Variants in RABGEF1 observed in about 807,000 individuals in gnomAD.
The protein encoded by RABGEF1 is RAB guanine nucleotide exchange factor 1.
RABGEF1 carries 26 observed loss-of-function variants against 57.3 expected under a neutral mutation model. The ratio of observed to expected loss-of-function variants is 0.45; its 90% confidence interval spans 0.33 to 0.63. The LOEUF (loss-of-function observed/expected upper bound fraction) is 0.63, where lower values mean the gene tolerates loss of function less well. RABGEF1 is among the 20% of genes least tolerant of loss of function. The pLI, the probability that RABGEF1 is intolerant of heterozygous loss-of-function variation, is 0.02. For synonymous variants in RABGEF1, 185 were observed against 210.7 expected, an observed-to-expected ratio of 0.88 and a Z score of 1.06; for missense variants, 464 against 607.6, an observed-to-expected ratio of 0.76 and a Z score of 2.48.
the RABGEF1 span, among the ~76,000 whole-genome samples, chr7:66,665,827 G>C: frequency 1.3e-5 from 2 of 152,320 alleles, no homozygotes; most frequent in African/African-American, 4.8e-5. Flanking sequence ...GGGAGGTTCA[G>C]ACACGGTCTC....
At chr7:66,754,879 G>GA (rs1330067869) in intron 1 of RABGEF1, among the ~76,000 whole-genome samples, 1 of 152,050 alleles carries the variant, frequency 6.6e-6, no homozygotes, top group Admixed American at 6.5e-5. Context: ...ATGCCTTTGA[G>GA]AAAAAAGTTC....
chr7:66,729,842 C>T lies in RABGEF1; in HGVS notation c.-814-10154C>T, dbSNP rs1002659361. Among the ~76,000 whole-genome samples, 6 of 152,246 alleles carry T rather than the reference C, an allele frequency of 3.9e-5. No homozygotes were observed. In the East Asian group the frequency reaches 9.6e-4, roughly 24 times the overall value. ...GTCTGCCTGTGAGCTGGGACTCTTT[C>T]CTTGCATGGCAATGACAGCAAATGG... On this transcript the variant is annotated intron_variant and NMD_transcript_variant, in intron 2 of 9. Coordinates refer to the RABGEF1 transcript ENST00000607882.
At position 66,795,600 on chromosome 7, in the gene RABGEF1, T is replaced by A. The variant is rs781748659; in HGVS notation, c.595+8T>A. On this transcript the variant is annotated splice_region_variant and intron_variant, in intron 5 of 8. Coordinates refer to ENST00000284957, the MANE Select transcript of RABGEF1 (RefSeq NM_014504.3). ...TGCAAACTCGTGGGAAAGGTAACACTGTTAGCCATTGAGAGATTGCGGGTA... is the reference window on the plus strand; with the variant it reads ...TGCAAACTCGTGGGAAAGGTAACACAGTTAGCCATTGAGAGATTGCGGGTA... The A allele has an allele frequency of 2.5e-6, 4 of 1,589,098 alleles. No individual in the cohort carries two copies. Among genetic ancestry groups the A allele is most frequent in the Non-Finnish European group, 3.5e-6 (4 of 1,157,262 alleles).
At chr7:66,670,412 A>T in the RABGEF1 span, among the ~76,000 whole-genome samples, 2 of 147,946 alleles carry the variant, frequency 1.4e-5, no homozygotes. Flanking sequence ...AATTTAATAA[A>T]TGGGCTTATT....
intron 2 of RABGEF1, among the ~76,000 whole-genome samples, chr7:66,715,355 T>A (rs1157479389): frequency 2.0e-5 from 3 of 152,216 alleles, no homozygotes; most frequent in African/African-American, 7.2e-5. Flanking sequence ...AATCTTGAAC[T>A]CCTAGCCTCA....
chr7:66,660,876 A>G, the RABGEF1 span, among the ~76,000 whole-genome samples: 1 of 152,206 alleles, frequency 6.6e-6, no homozygotes, highest in Non-Finnish European at 1.5e-5. Context: ...AGACACTACA[A>G]GAAAACAACT....
intron 1 of RABGEF1, among the ~76,000 whole-genome samples, chr7:66,684,135 G>T (rs1297856506): frequency 6.6e-6 from 1 of 152,120 alleles, no homozygotes; most frequent in Admixed American, 6.6e-5. Flanking sequence ...TTTTAGCTGG[G>T]TCCTTATGTG....
At chr7:66,768,284 A>G (rs1806245930) in intron 1 of RABGEF1, among the ~76,000 whole-genome samples, 1 of 152,200 alleles carries the variant, frequency 6.6e-6, no homozygotes, top group Non-Finnish European at 1.5e-5. Flanking sequence ...TTGACTGCAC[A>G]GTATGTAGCA....
intron 1 of RABGEF1, among the ~76,000 whole-genome samples, chr7:66,700,547 C>T (rs888134278): frequency 6.8e-6 from 1 of 147,056 alleles, no homozygotes; most frequent in Non-Finnish European, 1.5e-5. Flanking sequence ...TAAGAGGGTA[C>T]AGCTCAATTA....
At chr7:66,737,788 T>C (rs2129043400), upstream of RABGEF1, among the ~76,000 whole-genome samples, 1 of 152,078 alleles carries the variant, frequency 6.6e-6, no homozygotes, top group East Asian at 1.9e-4. Context: ...AGCCTAGGAG[T>C]TGGAGTCTGC....
upstream of RABGEF1, among the ~76,000 whole-genome samples, chr7:66,737,883 T>A (rs1261080373): frequency 6.6e-6 from 1 of 152,210 alleles, no homozygotes; most frequent in East Asian, 1.9e-4. Context: ...CTCTTGCTGC[T>A]CGGTGCCTAG....
Position 66,797,371 on chromosome 7 carries a change from C to T in RABGEF1, c.596-3C>T. On this transcript the variant is annotated splice_polypyrimidine_tract_variant and splice_region_variant and intron_variant, in intron 5 of 8. Coordinates refer to ENST00000284957, the MANE Select transcript of RABGEF1 (RefSeq NM_014504.3). ...TGATCTTTTCTCTGTCTGGTTATTT[C>T]AGTGCCTCCAGAAAGAGTCGAGAAG... is the stretch of plus-strand genomic sequence containing the variant. 6.3e-7 allele frequency: 1 copy of T among 1,594,708 alleles called. No homozygotes were observed. The highest frequency in any genetic ancestry group is 1.1e-5 in the South Asian group (1 of 88,376).
intron 1 of RABGEF1, among the ~76,000 whole-genome samples, chr7:66,688,085 C>CAA (rs60925853): frequency 0.013 from 1,447 of 108,644 alleles, 25 homozygotes; most frequent in Non-Finnish European, 0.015. Flanking sequence ...AACTCTGTGT[C>CAA]AAAAAAAAAA....
chr7:66,697,721 G>A (rs537511728), intron 1 of RABGEF1, among the ~76,000 whole-genome samples: 80 of 152,276 alleles, frequency 5.3e-4, no homozygotes, highest in African/African-American at 1.8e-3. Flanking sequence ...CCTCAGCGAG[G>A]TGGGGGGTGT....
At chr7:66,791,491 A>G (rs1333867811) in intron 4 of RABGEF1, among the ~76,000 whole-genome samples, 1 of 152,230 alleles carries the variant, frequency 6.6e-6, no homozygotes, top group Non-Finnish European at 1.5e-5. Context: ...TGGTAATACA[A>G]AAAAATATGG....
intron 1 of RABGEF1, among the ~76,000 whole-genome samples, chr7:66,763,237 G>T (rs1232388270): frequency 6.6e-6 from 1 of 152,198 alleles, no homozygotes. Flanking sequence ...TTCTGCTGAG[G>T]ACCTCAGGAG....
chr7:66,692,582 A>G (rs1178413036), intron 1 of RABGEF1, among the ~76,000 whole-genome samples: 1 of 152,210 alleles, frequency 6.6e-6, no homozygotes, highest in Non-Finnish European at 1.5e-5. Context: ...GAGATTGCAC[A>G]GGAAGGTCAA....
intron 1 of RABGEF1, among the ~76,000 whole-genome samples, chr7:66,693,900 G>C (rs1393712875): frequency 6.6e-6 from 1 of 151,222 alleles, no homozygotes; most frequent in Non-Finnish European, 1.5e-5. Context: ...CTCCGCCTCT[G>C]GGGCTCAAGC....
intron 3 of RABGEF1, among the ~76,000 whole-genome samples, chr7:66,777,677 C>G (rs1344856469): frequency 2.0e-5 from 3 of 152,032 alleles, no homozygotes; most frequent in Non-Finnish European, 4.4e-5. Flanking sequence ...CCTATAATCC[C>G]AGCTACTTGG....
Sources: allele counts gnomAD v4.1 joint callset (sites outside exome capture counted in the v4.1 genomes callset), GRCh38; gene constraint gnomAD v4.1.1; transcripts MANE v1.5; gene names NCBI Gene and HGNC (gene_info 2026-07-23, HGNC 2026-07-21).